ELAVL4: variants seen among roughly 807,000 people sequenced by gnomAD.
The protein encoded by ELAVL4 is ELAV like RNA binding protein 4, also known as ELAV-like protein 4.
ELAVL4 carries 1 observed loss-of-function variant against 35.6 expected under a neutral mutation model. The observed-to-expected ratio is 0.03, with a 90% CI of 0.01 to 0.13. The LOEUF is 0.13. Among genes scored for constraint, ELAVL4 ranks in the 10% least tolerant of loss-of-function variants. ELAVL4 has a pLI of 1.00. For synonymous variants in ELAVL4, 156 were observed against 171.0 expected, an observed-to-expected ratio of 0.91 and a Z score of 0.69; for missense variants, 267 against 464.9, an observed-to-expected ratio of 0.57 and a Z score of 3.91.
chr1:50,125,280 G>A (rs140848419), intron 1 of ELAVL4, among the ~76,000 whole-genome samples: 168 of 151,900 alleles, frequency 1.1e-3, no homozygotes, highest in African/African-American at 3.7e-3. Flanking sequence ...ATATTATGTC[G>A]TGTTTTATAA....
Position 50,201,039 on chromosome 1 carries a change from A to T in ELAVL4, c.962A>T (p.Asn321Ile). 1 of 1,614,110 alleles carries T rather than the reference A, an allele frequency of 6.2e-7. No homozygotes were observed. Among genetic ancestry groups the T allele is most frequent in the Non-Finnish European group, 8.5e-7 (1 of 1,179,996 alleles). ...AAGGTGATTCGTGACTTCAACACCA[A>T]CAAGTGCAAGGGATTCGGCTTTGTC... ...NVKVIRDFNT[N>I]KCKGFGFVTM... Residue 321 changes from asparagine to isoleucine, a missense_variant, in exon 7 of 7, where the codon AAC becomes ATC. Transcript: ENST00000371824. The surrounding 1 kb of genome is among the most constrained non-coding windows in gnomAD (Gnocchi z 4.3).
chr1:50,146,792 G>A (rs1333548856), intron 2 of ELAVL4, among the ~76,000 whole-genome samples: 1 of 152,048 alleles, frequency 6.6e-6, no homozygotes, highest in Non-Finnish European at 1.5e-5. Flanking sequence ...TTTTAGTATA[G>A]CCTTACCTTC....
intron 1 of ELAVL4, among the ~76,000 whole-genome samples, chr1:50,063,961 T>C (rs1664132491): frequency 6.6e-6 from 1 of 152,006 alleles, no homozygotes; most frequent in Non-Finnish European, 1.5e-5. Context: ...AACTAAGGAA[T>C]AAAGGAAAAT....
intron 2 of ELAVL4, among the ~76,000 whole-genome samples, chr1:50,157,253 C>A (rs888048483): frequency 2.0e-5 from 3 of 152,222 alleles, no homozygotes; most frequent in Non-Finnish European, 2.9e-5. Context: ...CCATTCTGTG[C>A]CTCAGGTTGT....
intron 2 of ELAVL4, among the ~76,000 whole-genome samples, chr1:50,173,941 G>A (rs1679502591): frequency 6.6e-6 from 1 of 152,140 alleles, no homozygotes; most frequent in South Asian, 2.1e-4. Context: ...TCCCAGCATA[G>A]CATTTCTCTT....
intron 6 of ELAVL4, among the ~76,000 whole-genome samples, chr1:50,199,489 T>C (rs1644269039): frequency 6.6e-6 from 1 of 152,174 alleles, no homozygotes; most frequent in Non-Finnish European, 1.5e-5. Context: ...GTGGATCACC[T>C]GAGGTCAGAA....
intron 2 of ELAVL4, among the ~76,000 whole-genome samples, chr1:50,150,622 G>A (rs1353611259): frequency 6.6e-6 from 1 of 152,142 alleles, no homozygotes; most frequent in Non-Finnish European, 1.5e-5. Flanking sequence ...GAAGAGGAGA[G>A]GGGAGTGAGG....
intron 2 of ELAVL4, among the ~76,000 whole-genome samples, chr1:50,161,474 C>A (rs1002291025): frequency 2.0e-5 from 3 of 152,078 alleles, no homozygotes; most frequent in African/African-American, 7.2e-5. Flanking sequence ...CTTAGAATAT[C>A]TTTTCCTTTT....
At chr1:50,197,663 T>C (rs1644139345) in intron 6 of ELAVL4, 196 bp downstream of exon 6, 2 of 477,444 alleles carry the variant, frequency 4.2e-6, no homozygotes, top group Admixed American at 4.3e-5. Flanking sequence ...AATGTATTTG[T>C]GTGTTTCACT....
At chr1:50,126,921 A>G (rs1232159526) in intron 1 of ELAVL4, among the ~76,000 whole-genome samples, 1 of 152,122 alleles carries the variant, frequency 6.6e-6, no homozygotes, top group Non-Finnish European at 1.5e-5. Context: ...ATGGTTAGTG[A>G]CATGTTAGTA....
At chr1:50,083,970 A>T (rs186482583) in intron 1 of ELAVL4, among the ~76,000 whole-genome samples, 54 of 152,280 alleles carry the variant, frequency 3.5e-4, no homozygotes, top group African/African-American at 1.3e-3. Flanking sequence ...TAAATGTTGC[A>T]TTCCCCTCAT....
At chr1:50,076,170 T>C (rs778608409) in intron 1 of ELAVL4, among the ~76,000 whole-genome samples, 4 of 152,138 alleles carry the variant, frequency 2.6e-5, no homozygotes, top group East Asian at 1.9e-4. Context: ...CGATCATAAA[T>C]CAAGGAGCAG....
chr1:50,156,510 T>C (rs1442553967), intron 2 of ELAVL4, among the ~76,000 whole-genome samples: 1 of 152,172 alleles, frequency 6.6e-6, no homozygotes, highest in Non-Finnish European at 1.5e-5. Context: ...TCCTAGGTTA[T>C]GTAATTCCAA....
chr1:50,181,810 G>T (rs1681081459), intron 3 of ELAVL4, among the ~76,000 whole-genome samples: 1 of 151,934 alleles, frequency 6.6e-6, no homozygotes, highest in Non-Finnish European at 1.5e-5. Flanking sequence ...CAGCCTCTGG[G>T]GTAGCTGGGA....
rs1169323880 is a variant in ELAVL4 at position 50,199,257 on chromosome 1, A to G, written c.774-1594A>G. 8.1e-4 allele frequency among the ~76,000 whole-genome samples: 123 copies of G among 152,218 alleles called. 2 individuals are homozygous for G. Among genetic ancestry groups the G allele is most frequent in the Non-Finnish European group, 1.5e-5 (1 of 68,032 alleles). On this transcript the variant is annotated intron_variant, in intron 6 of 6. Coordinates refer to ENST00000371824, the MANE Select transcript of ELAVL4 (RefSeq NM_001144774.3). ...TAGTTAGATACAGAACTATTCTTTAATAGGACTTTCAAATCTCCAAGAATA... is the reference window on the plus strand; with the variant it reads ...TAGTTAGATACAGAACTATTCTTTAGTAGGACTTTCAAATCTCCAAGAATA...
At chr1:50,050,922 C>A (rs958187997) in intron 1 of ELAVL4, among the ~76,000 whole-genome samples, 3 of 152,080 alleles carry the variant, frequency 2.0e-5, no homozygotes, top group African/African-American at 7.2e-5. Flanking sequence ...ATGGTAAATA[C>A]TGATACATGC....
chr1:50,198,551 C>G (rs1245189864), intron 6 of ELAVL4, among the ~76,000 whole-genome samples: 1 of 152,184 alleles, frequency 6.6e-6, no homozygotes, highest in East Asian at 1.9e-4. Flanking sequence ...TTTCAAATCT[C>G]AATCCCAGCA....
chr1:50,192,805 A>T, intron 3 of ELAVL4, among the ~76,000 whole-genome samples: 1 of 152,310 alleles, frequency 6.6e-6, no homozygotes, highest in East Asian at 1.9e-4. Context: ...TTGTTTTCTT[A>T]AAAAATAAAT....
chr1:50,185,716 A>G (rs1267505489), intron 3 of ELAVL4, among the ~76,000 whole-genome samples: 1 of 152,176 alleles, frequency 6.6e-6, no homozygotes, highest in Non-Finnish European at 1.5e-5. Context: ...TGAACATTAC[A>G]TGAGGAGAGG....
Sources: allele counts gnomAD v4.1 joint callset (sites outside exome capture counted in the v4.1 genomes callset), GRCh38; gene constraint gnomAD v4.1.1; non-coding constraint Gnocchi (gnomAD v3.1); transcripts MANE v1.5; gene names NCBI Gene and HGNC (gene_info 2026-07-23, HGNC 2026-07-21).